The following SLC25A30 variants were observed in gnomAD, a reference collection of about 807,000 sequenced individuals.
SLC25A30 encodes the protein kidney mitochondrial carrier protein 1.
In SLC25A30, 29 loss-of-function variants were observed where a neutral mutation model predicts 42.7. That is an observed-to-expected ratio of 0.68 (90% CI 0.51 to 0.93). The LOEUF is 0.93. Ranked by LOEUF, SLC25A30 falls within the 40% of genes least tolerant of loss-of-function variation. The pLI is 0.00. For synonymous variants in SLC25A30, 124 were observed against 131.0 expected, an observed-to-expected ratio of 0.95 and a Z score of 0.37; for missense variants, 300 against 359.7, an observed-to-expected ratio of 0.83 and a Z score of 1.34.
At chr13:45,414,135 G>A (rs1566214222) in intron 1 of SLC25A30, among the ~76,000 whole-genome samples, 1 of 152,106 alleles carries the variant, frequency 6.6e-6, no homozygotes, top group African/African-American at 2.4e-5. Flanking sequence ...ATTCAATTAC[G>A]ATTTTTAAAA....
the SLC25A30 span, among the ~76,000 whole-genome samples, chr13:45,424,817 A>C: frequency 1.7e-5 from 1 of 60,236 alleles, no homozygotes; most frequent in East Asian, 3.6e-4. Flanking sequence ...AAAAAATATA[A>C]ATATATAAAA....
intron 7 of SLC25A30, 106 bp from the exon 8 acceptor site, chr13:45,399,184 T>A (rs1881680967): frequency 1.6e-6 from 2 of 1,225,746 alleles, no homozygotes; most frequent in South Asian, 1.6e-5. Context: ...GGTTTTCTTG[T>A]TTGTGGTTTT....
At chr13:45,415,468 T>C (rs1200424025) in intron 1 of SLC25A30, among the ~76,000 whole-genome samples, 1 of 152,060 alleles carries the variant, frequency 6.6e-6, no homozygotes, top group African/African-American at 2.4e-5. Flanking sequence ...TGTTAGCTGT[T>C]GGCCGGGTGT....
In SLC25A30 at chr13:45,395,936, A is replaced by G; in HGVS notation, c.*38T>C. 1.2e-6 allele frequency: 2 copies of G among 1,614,170 alleles called. No individual in the cohort carries two copies. Among genetic ancestry groups the G allele is most frequent in the Non-Finnish European group, 1.7e-6 (2 of 1,180,014 alleles). ...AGGAAGCTTTGCTGTTTCAGAAGTT[A>G]CCATTTTCAGAAAGATGTCTCATGC... On this transcript the variant is annotated 3_prime_UTR_variant, in exon 10 of 10. Transcript: ENST00000519676.
the SLC25A30 span, among the ~76,000 whole-genome samples, chr13:45,429,291 A>G: frequency 6.6e-6 from 1 of 151,164 alleles, no homozygotes; most frequent in Non-Finnish European, 1.5e-5. Context: ...CTGGTCTCGA[A>G]CTCCTGACCT....
At chr13:45,431,975 A>G in the SLC25A30 span, among the ~76,000 whole-genome samples, 9 of 152,070 alleles carry the variant, frequency 5.9e-5, no homozygotes, top group South Asian at 1.9e-3. Flanking sequence ...TCTGCCTTTA[A>G]AATACATCTC....
At chr13:45,418,407 G>A (rs1233834605), upstream of SLC25A30, 1 of 150,446 alleles carries the variant, frequency 6.6e-6, no homozygotes, top group African/African-American at 2.4e-5. Context: ...GCAGACCCAC[G>A]AGCCTGCACG....
At chr13:45,425,630 G>GTATATATAAATATATATACA in the SLC25A30 span, among the ~76,000 whole-genome samples, 1 of 51,136 alleles carries the variant, frequency 2.0e-5, no homozygotes, top group African/African-American at 6.1e-5. Context: ...ATATATATAA[G>GTATATATAAATATATATACA]TATATATAAA....
chr13:45,425,247 A>AAT, the SLC25A30 span, among the ~76,000 whole-genome samples: 1 of 104,624 alleles, frequency 9.6e-6, no homozygotes, highest in African/African-American at 4.0e-5. Context: ...TACATATATA[A>AAT]ATATATATAC....
chr13:45,406,231 C>T (rs900972973), intron 3 of SLC25A30, among the ~76,000 whole-genome samples: 8 of 152,048 alleles, frequency 5.3e-5, no homozygotes, highest in African/African-American at 1.9e-4. Flanking sequence ...TACGGGCACC[C>T]GCCACCACAC....
At position 45,395,727 on chromosome 13, in the gene SLC25A30, T is replaced by C. The variant is rs1881257703; in HGVS notation, c.*247A>G. ...CAAGAAACATGCATTTCACATATTA[T>C]CTTTGATGTTGAAGGGCACTTCAGT... is the stretch of plus-strand genomic sequence containing the variant. On this transcript the variant is annotated 3_prime_UTR_variant, in exon 10 of 10. Transcript: ENST00000519676. 1 of 1,389,492 alleles carries C rather than the reference T, an allele frequency of 7.2e-7. No homozygotes were observed. Among genetic ancestry groups the C allele is most frequent in the East Asian group, 2.7e-5 (1 of 37,108 alleles). 86.1% of individuals were successfully genotyped at this position (1,389,492 alleles called of 1,614,324 possible). A position where few individuals can be genotyped will look rare whatever the true frequency, so the allele number is the denominator to read the frequency against.
At chr13:45,424,003 A>C in the SLC25A30 span, among the ~76,000 whole-genome samples, 2 of 80,164 alleles carry the variant, frequency 2.5e-5, no homozygotes, top group African/African-American at 9.3e-5. Flanking sequence ...ATATATATAA[A>C]AATATATATA....
chr13:45,424,406 AAAATATATATAAATATATGAAT>A, the SLC25A30 span, among the ~76,000 whole-genome samples: 1 of 67,316 alleles, frequency 1.5e-5, no homozygotes, highest in African/African-American at 6.2e-5. Context: ...TAAATATATA[AAAATATATATAAATATATGAAT>A]ATATATATAA....
At chr13:45,425,095 T>TA in the SLC25A30 span, among the ~76,000 whole-genome samples, 336 of 31,448 alleles carry the variant, frequency 0.011, 42 homozygotes, top group Middle Eastern at 0.024. Flanking sequence ...TATAAATATA[T>TA]TTATAAATAT....
rs1220639166 is a variant in SLC25A30, at chr13:45,395,162, G to A, written c.*812C>T. On this transcript the variant is annotated 3_prime_UTR_variant, in exon 10 of 10. Transcript: ENST00000519676. ...CATTTGACCCTCTACATCAATAGACGTTATTATCCCCATTTTACTCATTGA... is the reference window on the plus strand; with the variant it reads ...CATTTGACCCTCTACATCAATAGACATTATTATCCCCATTTTACTCATTGA... 4 of 984,564 alleles carry A rather than the reference G, an allele frequency of 4.1e-6. No individual in the cohort carries two copies. Among genetic ancestry groups the A allele is most frequent in the East Asian group, 1.1e-4 (1 of 8,822 alleles). 61.0% of individuals were successfully genotyped at this position (984,564 alleles called of 1,614,324 possible).
At chr13:45,400,014 T>TTTTATATATATA (rs1555285504) in intron 7 of SLC25A30, among the ~76,000 whole-genome samples, 2 of 88,824 alleles carry the variant, frequency 2.3e-5, no homozygotes, top group Non-Finnish European at 4.6e-5. Flanking sequence ...TTATGTATGA[T>TTTTATATATATA]TATATATATA....
chr13:45,415,688 G>T (rs1593630853), intron 1 of SLC25A30, among the ~76,000 whole-genome samples: 1 of 147,702 alleles, frequency 6.8e-6, no homozygotes, highest in African/African-American at 2.5e-5. Flanking sequence ...GGAGGCAGAG[G>T]TTGCAGTGAG....
chr13:45,411,613 C>T, intron 1 of SLC25A30, 133 bp from the exon 2 acceptor site: 3 of 595,182 alleles, frequency 5.0e-6, no homozygotes, highest in Non-Finnish European at 6.0e-6. Flanking sequence ...AGGGGAGCCT[C>T]CCCTTAATAA....
At chr13:45,399,164 CA>C in intron 7 of SLC25A30, 86 bp from the exon 8 acceptor site, 1 of 1,329,720 alleles carries the variant, frequency 7.5e-7, no homozygotes, top group Middle Eastern at 2.0e-4. Context: ...AGCTTCTGCC[CA>C]AACTATGGGG....
Sources: allele counts gnomAD v4.1 joint callset (sites outside exome capture counted in the v4.1 genomes callset), GRCh38; gene constraint gnomAD v4.1.1; transcripts MANE v1.5; gene names NCBI Gene and HGNC (gene_info 2026-07-23, HGNC 2026-07-21).